The following STX18 variants were observed in gnomAD, a reference collection of about 807,000 sequenced individuals.
The protein encoded by STX18 is syntaxin 18, also known as syntaxin-18.
In STX18, 40 loss-of-function variants were observed where a neutral mutation model predicts 50.1. The ratio of observed to expected loss-of-function variants is 0.80; its 90% confidence interval spans 0.62 to 1.04. STX18 has a LOEUF of 1.04. Among genes scored for constraint, STX18 ranks in the 50% least tolerant of loss-of-function variants. The pLI, the probability that STX18 is intolerant of heterozygous loss-of-function variation, is 0.00. For synonymous variants in STX18, 158 were observed against 151.8 expected (o/e 1.04, Z -0.30); for missense variants, 410 against 415.8 (o/e 0.99, Z 0.12).
At chr4:4,515,497 T>A (rs1031850568) in intron 1 of STX18, among the ~76,000 whole-genome samples, 1 of 152,186 alleles carries the variant, frequency 6.6e-6, no homozygotes, top group Non-Finnish European at 1.5e-5. Flanking sequence ...ATTCATCAGA[T>A]CATAAACTGA....
At chr4:4,426,061 C>G (rs1195284947) in intron 7 of STX18, 1 of 152,182 alleles carries the variant, frequency 6.6e-6, no homozygotes, top group Non-Finnish European at 1.5e-5. Context: ...CCCGATGCAT[C>G]CCGCAGGCCC....
intron 1 of STX18, among the ~76,000 whole-genome samples, chr4:4,508,515 G>A (rs1352070205): frequency 6.6e-6 from 1 of 152,144 alleles, no homozygotes; most frequent in African/African-American, 2.4e-5. Context: ...AAGTTAACAA[G>A]AAGGAGCTGC....
intron 1 of STX18, among the ~76,000 whole-genome samples, chr4:4,532,148 C>T (rs1001116944): frequency 2.0e-5 from 3 of 152,122 alleles, no homozygotes; most frequent in African/African-American, 7.2e-5. Context: ...GAGGGGAGGG[C>T]ATATGGAGAG....
chr4:4,497,225 C>T (rs1476497906), intron 1 of STX18, among the ~76,000 whole-genome samples: 2 of 152,178 alleles, frequency 1.3e-5, no homozygotes, highest in African/African-American at 4.8e-5. Context: ...GATAGCTCGA[C>T]CTCCAATTTG....
chr4:4,420,385 T>C lies in STX18; in HGVS notation c.913-256A>G. 2.0e-6 allele frequency: 1 copy of C among 492,612 alleles called. No individual in the cohort carries two copies. The highest frequency in any genetic ancestry group is 3.7e-5 in the East Asian group (1 of 27,118). 30.5% of individuals were successfully genotyped at this position (492,612 alleles called of 1,614,324 possible). On this transcript the variant is annotated intron_variant, in intron 10 of 10. Coordinates refer to ENST00000306200, the MANE Select transcript of STX18 (RefSeq NM_016930.4). The surrounding 1 kb of genome is among the most constrained non-coding windows in gnomAD (Gnocchi z 4.3). The stretch of plus-strand genomic sequence containing the variant: ...CAACTCTCGGAATCACTCCCTTCTG[T>C]CCCAGGGTTAAGGGCCCCGAGCAGA...
chr4:4,535,990 G>A (rs888847600), intron 1 of STX18, among the ~76,000 whole-genome samples: 5 of 152,170 alleles, frequency 3.3e-5, no homozygotes, highest in African/African-American at 1.2e-4. Context: ...GAGGACCTGG[G>A]GAATCAATGC....
At chr4:4,495,602 T>C (rs1420916583) in intron 1 of STX18, among the ~76,000 whole-genome samples, 5 of 150,374 alleles carry the variant, frequency 3.3e-5, no homozygotes, top group Non-Finnish European at 7.4e-5. Flanking sequence ...GGTCTTGCTA[T>C]GTTGCCCATG....
At chr4:4,514,930 T>C (rs912065572) in intron 1 of STX18, among the ~76,000 whole-genome samples, 5 of 152,186 alleles carry the variant, frequency 3.3e-5, no homozygotes, top group African/African-American at 1.2e-4. Context: ...AGGCTAATTA[T>C]AACAATAGTT....
rs113528539 is a variant in STX18, at chr4:4,493,282, AC to A, written c.169-21577del. On this transcript the variant is annotated intron_variant, in intron 1 of 10. Transcript: ENST00000306200. ...TTTGGAAAAGGCACAGGCATTCCCA[AC>A]CCCCCCGCCCCCTCCACTGCCCATG... Among the ~76,000 whole-genome samples the A allele has an allele frequency of 7.2e-5, 10 of 138,810 alleles. No individual in the cohort carries two copies. In the East Asian group the frequency reaches 1.0e-3, roughly 14 times the overall value. 91.1% of individuals were successfully genotyped at this position (138,810 alleles called of 152,430 possible).
At position 4,517,774 on chromosome 4, in the gene STX18, TTTTC is replaced by T. The variant is rs574165228; in HGVS notation, c.168+24019_168+24022del. On this transcript the variant is annotated intron_variant, in intron 1 of 10. Coordinates refer to ENST00000306200, the MANE Select transcript of STX18 (RefSeq NM_016930.4). ...ATCATTCCCTTTATAAGTGTTTTTT[TTTTC>T]TTTATTTTTTTTTTTTGAGATGGAG... Among the ~76,000 whole-genome samples, 376 of 152,120 alleles carry T rather than the reference TTTTC, an allele frequency of 2.5e-3. 2 individuals carry two copies. Among genetic ancestry groups the T allele is most frequent in the African/African-American group, 8.6e-3 (358 of 41,510 alleles).
chr4:4,518,247 A>G (rs568178609), intron 1 of STX18, among the ~76,000 whole-genome samples: 1 of 152,368 alleles, frequency 6.6e-6, no homozygotes, highest in East Asian at 1.9e-4. Flanking sequence ...TAAACGTAAG[A>G]TATACCTGTA....
intron 7 of STX18, among the ~76,000 whole-genome samples, chr4:4,426,973 G>A (rs747204868): frequency 2.3e-4 from 35 of 152,276 alleles, no homozygotes; most frequent in Admixed American, 3.9e-4. Context: ...TCTTCCTAGC[G>A]ATCTGATACC....
chr4:4,533,922 T>C, intron 1 of STX18, among the ~76,000 whole-genome samples: 1 of 152,198 alleles, frequency 6.6e-6, no homozygotes, highest in East Asian at 1.9e-4. Context: ...ATATAATCAT[T>C]AACCCCAAGA....
chr4:4,470,176 G>A (rs983684749), intron 2 of STX18, among the ~76,000 whole-genome samples: 11 of 152,212 alleles, frequency 7.2e-5, no homozygotes, highest in African/African-American at 2.7e-4. Context: ...TCTGAAGTGA[G>A]GGGTCAGGCT....
At chr4:4,469,771 T>C (rs528424159) in intron 2 of STX18, among the ~76,000 whole-genome samples, 4 of 152,292 alleles carry the variant, frequency 2.6e-5, no homozygotes, top group Admixed American at 1.3e-4. Flanking sequence ...CTTTAGTTTA[T>C]ACACAAGTAG....
intron 1 of STX18, among the ~76,000 whole-genome samples, chr4:4,498,578 T>C (rs1390963459): frequency 6.6e-6 from 1 of 152,198 alleles, no homozygotes; most frequent in Non-Finnish European, 1.5e-5. Context: ...CAATCCAAAA[T>C]CAAAGACTTC....
Position 4,541,896 on chromosome 4 carries a change from C to T in STX18, c.69G>A (p.Leu23=). ...VKTVKTRNKA[L]GVAVGGGVDG... is the part of the protein sequence containing the mutation. ...CGACCCCGCCGCCCACCGCCACTCC[C>T]AGCGCCTTGTTCCGCGTCTTCACGG... The change falls in exon 1 of 11, where the codon CTG becomes CTA. Residue 23 remains leucine, a synonymous_variant. Transcript: ENST00000306200. 5.0e-6 allele frequency: 8 copies of T among 1,611,130 alleles called. No individual in the cohort carries two copies. Among genetic ancestry groups the T allele is most frequent in the Non-Finnish European group, 6.8e-6 (8 of 1,179,164 alleles).
At chr4:4,467,579 T>C (rs1441857171) in intron 2 of STX18, among the ~76,000 whole-genome samples, 1 of 152,184 alleles carries the variant, frequency 6.6e-6, no homozygotes, top group Non-Finnish European at 1.5e-5. Flanking sequence ...CTTCAGGTTA[T>C]GCCATCGCTA....
At chr4:4,427,820 G>A (rs893090519) in intron 7 of STX18, among the ~76,000 whole-genome samples, 1 of 152,208 alleles carries the variant, frequency 6.6e-6, no homozygotes, top group African/African-American at 2.4e-5. Context: ...ACTCAGGAGT[G>A]GGATCAGATG....
Sources: gnomAD v4.1 joint callset for allele counts (sites outside exome capture counted in the v4.1 genomes callset) on GRCh38, gnomAD v4.1.1 for gene constraint, Gnocchi (gnomAD v3.1) non-coding constraint, MANE v1.5 for transcripts, NCBI Gene and HGNC (gene_info 2026-07-23, HGNC 2026-07-21) for gene names.